The following CREBBP variants were observed in gnomAD, a reference collection of about 807,000 sequenced individuals.
The protein encoded by CREBBP is CREB binding lysine acetyltransferase.
CREBBP carries 19 observed loss-of-function variants against 265.0 expected under a neutral mutation model. The observed-to-expected ratio is 0.07, with a 90% confidence interval of 0.05 to 0.11. The LOEUF is 0.11. Ranked by LOEUF, CREBBP falls within the 10% of genes least tolerant of loss-of-function variation. The pLI, the probability that CREBBP is intolerant of heterozygous loss-of-function variation, is 1.00. For missense variants in CREBBP, 2,525 were observed against 3,219.0 expected (o/e 0.78, Z 5.22); for synonymous variants, 1,457 against 1,223.7 (o/e 1.19, Z -3.98).
chr16:3,866,366 G>C (rs2055178921), intron 1 of CREBBP, among the ~76,000 whole-genome samples: 1 of 152,132 alleles, frequency 6.6e-6, no homozygotes, highest in African/African-American at 2.4e-5. Flanking sequence ...GACAAAGCAA[G>C]TGATGATCAG....
intron 3 of CREBBP, among the ~76,000 whole-genome samples, chr16:3,805,962 G>A (rs185537008): frequency 1.4e-4 from 21 of 152,320 alleles, no homozygotes; most frequent in Middle Eastern, 3.4e-3. Flanking sequence ...GAAAAAAGCT[G>A]AAGTTTCACA....
chr16:3,852,157 G>GTTTTTT (rs910861282), intron 1 of CREBBP, among the ~76,000 whole-genome samples: 4 of 50,880 alleles, frequency 7.9e-5, no homozygotes, highest in African/African-American at 8.0e-5. Context: ...TCTTAAATTT[G>GTTTTTT]TTTTTTTTTT....
At chr16:3,730,378 T>G (rs1245948241) in intron 30 of CREBBP, 2 of 176,566 alleles carry the variant, frequency 1.1e-5, no homozygotes, top group African/African-American at 2.4e-5. Context: ...CGCCGACAGC[T>G]GCCGTGAAGT....
chr16:3,869,289 TG>T (rs1349657328), intron 1 of CREBBP, among the ~76,000 whole-genome samples: 1 of 152,196 alleles, frequency 6.6e-6, no homozygotes, highest in Non-Finnish European at 1.5e-5. Context: ...AGGGCAGAGA[TG>T]GGGCCTGTCA....
intron 16 of CREBBP, chr16:3,767,174 C>G (rs548676241): frequency 6.3e-6 from 1 of 159,802 alleles, no homozygotes; most frequent in Non-Finnish European, 1.4e-5. Flanking sequence ...CATCTCAGAC[C>G]CCAAAGATGC....
At chr16:3,852,137 G>C (rs1487093005) in intron 1 of CREBBP, among the ~76,000 whole-genome samples, 2 of 131,742 alleles carry the variant, frequency 1.5e-5, no homozygotes, top group African/African-American at 2.7e-5. Flanking sequence ...TTTGAGGACA[G>C]TAAAGCCAAT....
At chr16:3,769,937 C>G (rs2052958470) in intron 14 of CREBBP, among the ~76,000 whole-genome samples, 1 of 152,042 alleles carries the variant, frequency 6.6e-6, no homozygotes, top group African/African-American at 2.4e-5. Flanking sequence ...ATGGCGCAAT[C>G]TCGGCTCGAT....
chr16:3,748,449 G>A (rs1419400432), intron 21 of CREBBP, among the ~76,000 whole-genome samples: 1 of 152,210 alleles, frequency 6.6e-6, no homozygotes, highest in African/African-American at 2.4e-5. Flanking sequence ...TACAGCTCTA[G>A]GATTTCACAT....
At chr16:3,761,533 G>A in intron 16 of CREBBP, 1 of 518,668 alleles carries the variant, frequency 1.9e-6, no homozygotes, top group Non-Finnish European at 3.8e-6. Context: ...CCAAGAACAT[G>A]CCTCAGGGCT....
intron 21 of CREBBP, among the ~76,000 whole-genome samples, chr16:3,746,447 G>A (rs2052345085): frequency 6.6e-6 from 1 of 152,008 alleles, no homozygotes; most frequent in South Asian, 2.1e-4. Context: ...TCCCTTCCAC[G>A]TGGCAGCTGC....
At chr16:3,828,388 G>T (rs1048493313) in intron 2 of CREBBP, among the ~76,000 whole-genome samples, 1 of 152,218 alleles carries the variant, frequency 6.6e-6, no homozygotes, top group South Asian at 2.1e-4. Context: ...CACCATGCCC[G>T]TCGAAAGCTG....
intron 2 of CREBBP, among the ~76,000 whole-genome samples, chr16:3,813,995 T>C (rs1471995183): frequency 6.6e-6 from 1 of 152,244 alleles, no homozygotes; most frequent in Non-Finnish European, 1.5e-5. Context: ...CAGTGTGCTC[T>C]GTGGACCTCA....
intron 3 of CREBBP, among the ~76,000 whole-genome samples, chr16:3,808,492 C>G (rs1251016400): frequency 1.3e-5 from 2 of 152,250 alleles, no homozygotes; most frequent in Admixed American, 1.3e-4. Context: ...GGAGCCTGCC[C>G]CAGACCAAAC....
At chr16:3,823,626 G>C (rs2054182105) in intron 2 of CREBBP, among the ~76,000 whole-genome samples, 1 of 152,132 alleles carries the variant, frequency 6.6e-6, no homozygotes, top group African/African-American at 2.4e-5. Context: ...TCCCACGTTT[G>C]GCTCTTGGTA....
At chr16:3,827,721 C>T (rs1351326873) in intron 2 of CREBBP, among the ~76,000 whole-genome samples, 4 of 152,144 alleles carry the variant, frequency 2.6e-5, no homozygotes, top group South Asian at 4.1e-4. Flanking sequence ...GAGACAGGGT[C>T]TCTCTGTAGC....
chr16:3,773,528 T>C (rs2053063969), intron 13 of CREBBP: 3 of 566,056 alleles, frequency 5.3e-6, no homozygotes, highest in Non-Finnish European at 9.3e-6. Flanking sequence ...TCTAAATCCA[T>C]TCCCACTTTT....
At chr16:3,736,501 C>G (rs1596805236) in intron 27 of CREBBP, 149 bp downstream of exon 27, 4 of 1,206,976 alleles carry the variant, frequency 3.3e-6, no homozygotes, top group East Asian at 4.7e-5. Context: ...GAAAATGCTT[C>G]TAAGTTCTCA....
chr16:3,766,108 T>C (rs1196211676), intron 16 of CREBBP, among the ~76,000 whole-genome samples: 2 of 152,084 alleles, frequency 1.3e-5, no homozygotes, highest in Admixed American at 6.6e-5. Flanking sequence ...TCTGCAGAAC[T>C]TAAGTGTCAA....
Position 3,774,690 on chromosome 16 carries a change from A to T in CREBBP, c.2162T>A (p.Met721Lys). Residue 721 changes from methionine (M) to lysine (K), a missense_variant, in exon 12 of 31, where the codon ATG (methionine) becomes AAG (lysine). This residue lies in a region of CREBBP where 548 missense variants were observed against 533.0 expected (regional missense o/e 1.03). Coordinates refer to ENST00000262367, the MANE Select transcript of CREBBP (RefSeq NM_004380.3). ...PVNRMQVSQG[M>K]NSFNPMSLGN... is the part of the protein sequence containing the mutation. Reference sequence around the variant, plus strand: ...CAAGGACATGGGGTTAAATGAATTCATCCCTGTAAATGTACCCACAACGGT... The same window carrying T: ...CAAGGACATGGGGTTAAATGAATTCTTCCCTGTAAATGTACCCACAACGGT... 1.2e-6 allele frequency: 2 copies of T among 1,614,214 alleles called. No homozygotes were observed. The highest frequency in any genetic ancestry group is 1.7e-6 in the Non-Finnish European group (2 of 1,180,032).
Sources: gnomAD v4.1 joint callset for allele counts (sites outside exome capture counted in the v4.1 genomes callset) on GRCh38, gnomAD v4.1.1 for gene constraint, gnomAD v4.1.1 regional missense constraint, MANE v1.5 for transcripts, NCBI Gene and HGNC (gene_info 2026-07-23, HGNC 2026-07-21) for gene names.